Variants in BCL2L13 observed in about 807,000 individuals in gnomAD.
BCL2L13 encodes bcl-2-like protein 13.
BCL2L13 carries 13 observed loss-of-function variants against 25.8 expected under a neutral mutation model. That is an observed-to-expected ratio of 0.50 (90% CI 0.33 to 0.80). The LOEUF is 0.80. Ranked by LOEUF, BCL2L13 falls within the 30% of genes least tolerant of loss-of-function variation. BCL2L13 has a pLI of 0.02. For synonymous variants in BCL2L13, 244 were observed against 230.3 expected (o/e 1.06, Z -0.54); for missense variants, 504 against 574.9 (o/e 0.88, Z 1.26).
chr22:17,637,178 G>C (rs200363668), upstream of BCL2L13, among the ~76,000 whole-genome samples: 1 of 151,932 alleles, frequency 6.6e-6, no homozygotes, highest in South Asian at 2.1e-4. Flanking sequence ...AGGCCAAGGC[G>C]AGTGGATCAC....
intron 6 of BCL2L13, among the ~76,000 whole-genome samples, chr22:17,712,581 C>CAGATA (rs2060792976): frequency 6.6e-6 from 1 of 152,180 alleles, no homozygotes; most frequent in Non-Finnish European, 1.5e-5. Context: ...ACTTAATAAA[C>CAGATA]AGATAAGCCT....
chr22:17,685,760 C>CTTCTTTTTTTTTTTT (rs2059911554), intron 3 of BCL2L13, among the ~76,000 whole-genome samples: 1 of 60,520 alleles, frequency 1.7e-5, no homozygotes, highest in East Asian at 5.0e-4. Flanking sequence ...TTTTCTTTTT[C>CTTCTTTTTTTTTTTT]TTTTTTTTTT....
rs202137570 is a variant in BCL2L13 at position 17,687,504 on chromosome 22, C to CTAT, written c.230-1465_230-1463dup. 9.6e-3 allele frequency among the ~76,000 whole-genome samples: 1,448 copies of CTAT among 151,612 alleles called. 32 individuals are homozygous for CTAT. The highest frequency in any genetic ancestry group is 0.033 in the African/African-American group (1,346 of 41,344). ...TATAGGCGTGTGCCACAGCACCCAG[C>CTAT]TATTATTATTATTATTATTTTCTTT... On this transcript the variant is annotated intron_variant, in intron 3 of 6. Transcript: ENST00000317582.
intron 1 of BCL2L13, among the ~76,000 whole-genome samples, chr22:17,642,761 T>C (rs765686859): frequency 1.3e-5 from 2 of 150,410 alleles, no homozygotes; most frequent in Non-Finnish European, 2.9e-5. Context: ...ACCCAGCTAA[T>C]TTTTTTTGTA....
chr22:17,705,249 G>T lies in BCL2L13; in HGVS notation c.600+2863G>T, dbSNP rs533703537. Among the ~76,000 whole-genome samples the T allele has an allele frequency of 4.6e-5, 7 of 151,968 alleles. No homozygotes were observed. The East Asian group carries it at 1.4e-3, about 30-fold the overall frequency. The stretch of plus-strand genomic sequence containing the variant: ...GATCGTGCCATTGCACTCCAGCCTG[G>T]GCAACAAGAGCGAAACTCTGTATCA... On this transcript the variant is annotated intron_variant, in intron 6 of 6. Coordinates refer to ENST00000317582, the MANE Select transcript of BCL2L13 (RefSeq NM_015367.4).
intron 2 of BCL2L13, among the ~76,000 whole-genome samples, chr22:17,670,097 C>G (rs970221211): frequency 2.0e-5 from 3 of 152,062 alleles, no homozygotes; most frequent in African/African-American, 7.2e-5. Flanking sequence ...ATTTATTTTT[C>G]CCTTCTCAAT....
intron 1 of BCL2L13, among the ~76,000 whole-genome samples, chr22:17,632,026 C>T (rs1568904539): frequency 6.6e-6 from 1 of 151,962 alleles, no homozygotes; most frequent in Non-Finnish European, 1.5e-5. Flanking sequence ...GGCCGGTACA[C>T]ATATTTTGAA....
upstream of BCL2L13, chr22:17,638,172 A>T (rs1302482664): frequency 1.3e-5 from 2 of 152,648 alleles, no homozygotes; most frequent in South Asian, 4.1e-4. Flanking sequence ...CAAGTTAAGT[A>T]TGTTCCAGGC....
At position 17,726,691 on chromosome 22, in the gene BCL2L13, T is replaced by C. The variant is rs750235062; in HGVS notation, c.615T>C (p.Ser205=). 13 of 1,613,630 alleles carry C rather than the reference T, an allele frequency of 8.1e-6. No homozygotes were observed. The highest frequency in any genetic ancestry group is 1.1e-5 in the Non-Finnish European group (13 of 1,179,728). The change falls in exon 7 of 7, where the codon AGT becomes AGC. Residue 205 remains serine, a synonymous_variant. Coordinates refer to ENST00000317582, the MANE Select transcript of BCL2L13 (RefSeq NM_015367.4). ...TTCGTTTCTAGGGCACTGTGTTTAG[T>C]CTTGAGTCAGAGGAGGAGGAATACC... The part of the protein sequence containing the change: ...IQQGGWGTVF[S]LESEEEEYPG...
chr22:17,721,064 G>T (rs2061110187), intron 6 of BCL2L13, among the ~76,000 whole-genome samples: 1 of 151,992 alleles, frequency 6.6e-6, no homozygotes, highest in South Asian at 2.1e-4. Context: ...CTACTCGGGG[G>T]GAGGCTGAGG....
rs1261324541 is a variant in BCL2L13, at chr22:17,686,736, C to T, written c.230-2250C>T. On this transcript the variant is annotated intron_variant, in intron 3 of 6. Coordinates refer to ENST00000317582, the MANE Select transcript of BCL2L13 (RefSeq NM_015367.4). ...ACGTTGGTCAGGCTGGTCTCGATCT[C>T]CTGACCTTGTGATCTACCCGCCTCG... Among the ~76,000 whole-genome samples the T allele has an allele frequency of 3.3e-5, 5 of 152,038 alleles. No individual in the cohort carries two copies. The East Asian group carries it at 5.8e-4, about 18-fold the overall frequency.
chr22:17,640,894 A>AT (rs769968977), intron 1 of BCL2L13, among the ~76,000 whole-genome samples: 3 of 113,114 alleles, frequency 2.7e-5, no homozygotes, highest in Admixed American at 1.0e-4. Flanking sequence ...ATATATATAT[A>AT]TATATTTTTT....
At chr22:17,714,333 T>G (rs1569006226) in intron 6 of BCL2L13, among the ~76,000 whole-genome samples, 1 of 151,970 alleles carries the variant, frequency 6.6e-6, no homozygotes, top group Non-Finnish European at 1.5e-5. Flanking sequence ...ACACCTGTAA[T>G]CCCAGCTACT....
intron 5 of BCL2L13, among the ~76,000 whole-genome samples, chr22:17,697,511 CTCTGAG>C (rs1420412515): frequency 6.6e-6 from 1 of 152,122 alleles, no homozygotes; most frequent in East Asian, 1.9e-4. Flanking sequence ...ATAGGAAGCT[CTCTGAG>C]TCTTAGTTTT....
chr22:17,727,369 G>A lies in BCL2L13; in HGVS notation c.1293G>A (p.Lys431=). The change falls in exon 7 of 7, where the codon AAG becomes AAA. Residue 431 remains lysine (K), a synonymous_variant. Transcript: ENST00000317582. ...AAGAGCTGTCCCCTGCCAGCGAGAA[G>A]AAGCCCGTGCCGCCGTCTGAGGGCA... ...LVEELSPASE[K]KPVPPSEGKS... is the part of the protein sequence containing the mutation. 1 of 1,614,256 alleles carries A rather than the reference G, an allele frequency of 6.2e-7. No individual in the cohort carries two copies. Among genetic ancestry groups the A allele is most frequent in the Non-Finnish European group, 8.5e-7 (1 of 1,180,048 alleles).
chr22:17,693,635 C>T (rs2060181207), intron 4 of BCL2L13, among the ~76,000 whole-genome samples: 1 of 152,130 alleles, frequency 6.6e-6, no homozygotes, highest in African/African-American at 2.4e-5. Context: ...CCACCTCAGC[C>T]TCCCAAAGTG....
chr22:17,631,055 C>T (rs1730871902), intron 1 of BCL2L13, among the ~76,000 whole-genome samples: 1 of 151,616 alleles, frequency 6.6e-6, no homozygotes, highest in Non-Finnish European at 1.5e-5. Context: ...ACTTATCTTT[C>T]TTGATAGTGA....
intron 6 of BCL2L13, among the ~76,000 whole-genome samples, chr22:17,707,154 A>G (rs549690260): frequency 2.0e-5 from 3 of 147,962 alleles, no homozygotes; most frequent in African/African-American, 5.1e-5. Flanking sequence ...GCTAAAATCA[A>G]TTTAGTAAGA....
In BCL2L13 at chr22:17,638,842, C is replaced by A. The variant is rs549667538; in HGVS notation, c.-95C>A. The A allele has an allele frequency of 6.2e-5, 76 of 1,232,000 alleles. No individual in the cohort carries two copies. The highest frequency in any genetic ancestry group is 7.2e-5 in the Non-Finnish European group (71 of 988,362). The allele number at this position is 1,232,000 out of a possible 1,614,324, so 76.3% of individuals were successfully genotyped here. A position where few individuals can be genotyped will look rare whatever the true frequency, so the allele number is the denominator to read the frequency against. On this transcript the variant is annotated 5_prime_UTR_variant, in exon 1 of 7. Coordinates refer to ENST00000317582, the MANE Select transcript of BCL2L13 (RefSeq NM_015367.4). ...GGGGGACCCTGTCGGAAGCAACTGC[C>A]GCCGCCGCCTCTTTCATCTCTTCTG...
Sources: allele counts gnomAD v4.1 joint callset (sites outside exome capture counted in the v4.1 genomes callset), GRCh38; gene constraint gnomAD v4.1.1; transcripts MANE v1.5; gene names NCBI Gene and HGNC (gene_info 2026-07-23, HGNC 2026-07-21).